The following AKAP8L variants were observed in gnomAD, a reference collection of about 807,000 sequenced individuals.
AKAP8L encodes the protein A-kinase anchor protein 8-like.
In AKAP8L, 34 loss-of-function variants were observed where a neutral mutation model predicts 77.5. That is an observed-to-expected ratio of 0.44 (90% CI 0.33 to 0.58). AKAP8L has a LOEUF of 0.58. Ranked by LOEUF, AKAP8L falls within the 20% of genes least tolerant of loss-of-function variation. The probability of loss-of-function intolerance (pLI) is 0.02; values close to 1 mark genes in which losing one functional copy is unlikely to be tolerated. For synonymous variants in AKAP8L, 342 were observed against 340.7 expected (o/e 1.00, Z -0.04); for missense variants, 806 against 887.6 (o/e 0.91, Z 1.17).
rs1347117076 is a variant in AKAP8L at position 15,385,016 on chromosome 19, T to C, written c.1537-4404A>G. On this transcript the variant is annotated intron_variant, in intron 12 of 13. Transcript: ENST00000397410. The stretch of plus-strand genomic sequence containing the variant: ...TTTTTGAGACGGAGTCTCGCTCTGT[T>C]GCCCAGGCTGGAGTGCAGTGGCGGG... Among the ~76,000 whole-genome samples the C allele has an allele frequency of 6.0e-5, 9 of 150,954 alleles. No individual in the cohort carries two copies. In the East Asian group the frequency reaches 7.8e-4, roughly 13 times the overall value.
At position 15,403,649 on chromosome 19, in the gene AKAP8L, A is replaced by G. The variant is rs1249408563; in HGVS notation, c.188T>C (p.Met63Thr). The change falls in exon 4 of 14, where the codon ATG (methionine) becomes ACG (threonine). Residue 63 changes from methionine to threonine, a missense_variant. Physicochemically the swap from Met to Thr is moderately conservative, Grantham distance 81. Around this residue, in one of 2 missense-constraint regions of AKAP8L, gnomAD observed 580 missense variants for 694.1 expected, o/e 0.84. Coordinates refer to ENST00000397410, the MANE Select transcript of AKAP8L (RefSeq NM_014371.4). The surrounding 1 kb of genome is among the most constrained non-coding windows in gnomAD (Gnocchi z 4.3). ...QDNTTNYGYG[M>T]ATSHSWEMPS... ...CATTTCCCAAGAGTGTGAAGTGGCC[A>G]TACCATACCCATAGTTGGTGGTGTT... is the stretch of plus-strand genomic sequence containing the variant. 6.2e-7 allele frequency: 1 copy of G among 1,613,640 alleles called. No individual in the cohort carries two copies. The highest frequency in any genetic ancestry group is 1.7e-5 in the Admixed American group (1 of 59,960).
At chr19:15,388,889 C>G (rs973229122) in intron 12 of AKAP8L, among the ~76,000 whole-genome samples, 3 of 148,374 alleles carry the variant, frequency 2.0e-5, no homozygotes, top group African/African-American at 7.5e-5. Context: ...GCACTCCAGC[C>G]TGGGCGACAG....
chr19:15,394,375 G>T lies in AKAP8L; in HGVS notation c.1536+2775C>A, dbSNP rs994966118. ...ATGAAGTGTCTAGAATAAGCAAATAGAGAGAGATAGATTAGTAGCTGCCTA... is the reference window on the plus strand; with the variant it reads ...ATGAAGTGTCTAGAATAAGCAAATATAGAGAGATAGATTAGTAGCTGCCTA... On this transcript the variant is annotated intron_variant, in intron 12 of 13. Transcript: ENST00000397410. 2.6e-5 allele frequency among the ~76,000 whole-genome samples: 4 copies of T among 152,270 alleles called. No homozygotes were observed. In the South Asian group the frequency reaches 8.3e-4, roughly 32 times the overall value.
rs1482521458 is a variant in AKAP8L at position 15,397,049 on chromosome 19, G to A, written c.1536+101C>T. 2.1e-5 allele frequency: 32 copies of A among 1,516,564 alleles called. No homozygotes were observed. The South Asian group carries it at 2.4e-4, about 11-fold the overall frequency. The allele number at this position is 1,516,564 out of a possible 1,614,324, so 93.9% of individuals were successfully genotyped here. A position where few individuals can be genotyped will look rare whatever the true frequency, so the allele number is the denominator to read the frequency against. ...ATATCCACCTCCTCCTGCCTCCACTGCAGTCCCTCACGGGCTGGCAGAGGT... is the reference window on the plus strand; with the variant it reads ...ATATCCACCTCCTCCTGCCTCCACTACAGTCCCTCACGGGCTGGCAGAGGT... On this transcript the variant is annotated intron_variant, in intron 12 of 13. Coordinates refer to ENST00000397410, the MANE Select transcript of AKAP8L (RefSeq NM_014371.4). The surrounding 1 kb of genome is among the most constrained non-coding windows in gnomAD (Gnocchi z 4.7).
At chr19:15,405,217 G>A (rs890656958) in intron 2 of AKAP8L, among the ~76,000 whole-genome samples, 1 of 152,218 alleles carries the variant, frequency 6.6e-6, no homozygotes, top group Non-Finnish European at 1.5e-5. Context: ...AGAGGCAAGA[G>A]AGGCTGGCAG....
At position 15,403,415 on chromosome 19, in the gene AKAP8L, T is replaced by C. The variant is rs538348043; in HGVS notation, c.362+60A>G. On this transcript the variant is annotated intron_variant, in intron 4 of 13. Coordinates refer to ENST00000397410, the MANE Select transcript of AKAP8L (RefSeq NM_014371.4). This position sits in a 1 kb window ranked among gnomAD's most constrained non-coding sequence, Gnocchi z 4.3. ...GGGGCACTCAGAGAGGAAAACGCAG[T>C]GGGCAGCAGGCAGGAGCCGCCCCTG... The C allele has an allele frequency of 4.3e-5, 66 of 1,517,380 alleles. No individual in the cohort carries two copies. In the Middle Eastern group the frequency reaches 8.7e-4, roughly 20 times the overall value. The allele number at this position is 1,517,380 out of a possible 1,614,324, so 94.0% of individuals were successfully genotyped here.
chr19:15,397,801 C>T lies in AKAP8L; in HGVS notation c.1212G>A (p.Met404Ile), dbSNP rs1967808391. ...GGAACTTGCTGTCAAGATGGCTGGC[C>T]ATCTCGTCCTCATAGAAGGTCCGGT... Reference protein sequence around the residue: ...CKYRTFYEDEMASHLDSKFHK... With the variant: ...CKYRTFYEDEIASHLDSKFHK... Residue 404 changes from methionine (M) to isoleucine (I), a missense_variant, in exon 10 of 14, where the codon ATG becomes ATA. By Grantham distance (10) the Met-to-Ile change is conservative. Around this residue, in one of 2 missense-constraint regions of AKAP8L, gnomAD observed 580 missense variants for 694.1 expected, o/e 0.84. Transcript: ENST00000397410. This position sits in a 1 kb window ranked among gnomAD's most constrained non-coding sequence, Gnocchi z 4.7. 2 of 1,613,964 alleles carry T rather than the reference C, an allele frequency of 1.2e-6. No homozygotes were observed. The highest frequency in any genetic ancestry group is 1.7e-6 in the Non-Finnish European group (2 of 1,179,886).
chr19:15,414,221 C>T (rs962292847), intron 1 of AKAP8L, among the ~76,000 whole-genome samples: 14 of 152,014 alleles, frequency 9.2e-5, no homozygotes, highest in Admixed American at 7.9e-4. Flanking sequence ...TGCGCCACTA[C>T]GCATTTTGTA....
At position 15,399,859 on chromosome 19, in the gene AKAP8L, G is replaced by T; in HGVS notation, c.1048+436C>A. 1 of 309,712 alleles carries T rather than the reference G, an allele frequency of 3.2e-6. No individual in the cohort carries two copies. The highest frequency in any genetic ancestry group is 2.1e-5 in the African/African-American group (1 of 46,986). 19.2% of individuals were successfully genotyped at this position (309,712 alleles called of 1,614,324 possible). On this transcript the variant is annotated intron_variant, in intron 8 of 13. Transcript: ENST00000397410. The surrounding 1 kb of genome is among the most constrained non-coding windows in gnomAD (Gnocchi z 6.1). ...GCTGGCGCTCATCACTCAGGTGGGGGGACACGGAATCCCAACAGGGGCTGG... is the reference window on the plus strand; with the variant it reads ...GCTGGCGCTCATCACTCAGGTGGGGTGACACGGAATCCCAACAGGGGCTGG...
intron 12 of AKAP8L, among the ~76,000 whole-genome samples, chr19:15,390,070 T>C (rs1967628849): frequency 6.6e-6 from 1 of 151,222 alleles, no homozygotes; most frequent in Non-Finnish European, 1.5e-5. Context: ...CCAGACTATC[T>C]GAATATACCC....
At chr19:15,415,175 T>C (rs997178994) in intron 1 of AKAP8L, among the ~76,000 whole-genome samples, 2 of 152,188 alleles carry the variant, frequency 1.3e-5, no homozygotes, top group African/African-American at 4.8e-5. Flanking sequence ...GGCTCATGTC[T>C]GTAATACCAG....
chr19:15,380,192 T>G lies in AKAP8L; in HGVS notation c.1871A>C (p.Gln624Pro). ...GCCCGGGATGCCGCGGATCTGGCGTTGCAGCGCCCCTCCCAGCAAGGGCAC... is the reference window on the plus strand; with the variant it reads ...GCCCGGGATGCCGCGGATCTGGCGTGGCAGCGCCCCTCCCAGCAAGGGCAC... The part of the protein sequence containing the change: ...GAVPLLGGAL[Q>P]RQIRGIPGLD... The change falls in exon 14 of 14, where the codon CAA becomes CCA. Residue 624 changes from glutamine to proline, a missense_variant. By Grantham distance (76) the Gln-to-Pro change is moderately conservative. Around this residue, in one of 2 missense-constraint regions of AKAP8L, gnomAD observed 226 missense variants for 193.5 expected, o/e 1.17. Coordinates refer to ENST00000397410, the MANE Select transcript of AKAP8L (RefSeq NM_014371.4). 1 of 1,507,404 alleles carries G rather than the reference T, an allele frequency of 6.6e-7. No individual in the cohort carries two copies. The highest frequency in any genetic ancestry group is 8.8e-7 in the Non-Finnish European group (1 of 1,136,600). 93.4% of individuals were successfully genotyped at this position (1,507,404 alleles called of 1,614,324 possible).
At chr19:15,387,836 G>A (rs988385878) in intron 12 of AKAP8L, among the ~76,000 whole-genome samples, 1 of 152,152 alleles carries the variant, frequency 6.6e-6, no homozygotes, top group African/African-American at 2.4e-5. Flanking sequence ...GCACATGCCT[G>A]TAATCCCAGC....
chr19:15,406,887 T>G (rs1392151925), intron 2 of AKAP8L, among the ~76,000 whole-genome samples: 2 of 152,232 alleles, frequency 1.3e-5, no homozygotes, highest in Non-Finnish European at 2.9e-5. Context: ...TACACCTACC[T>G]ACTCGGTGAC....
intron 4 of AKAP8L, among the ~76,000 whole-genome samples, chr19:15,402,192 T>C (rs117122231): frequency 0.025 from 3,844 of 152,274 alleles, 57 homozygotes; most frequent in Non-Finnish European, 0.038. Flanking sequence ...AAAAGAGCTG[T>C]ATTACATCAA....
intron 2 of AKAP8L, among the ~76,000 whole-genome samples, chr19:15,408,476 T>G (rs757666936): frequency 1.3e-5 from 2 of 148,420 alleles, no homozygotes; most frequent in Non-Finnish European, 3.0e-5. Context: ...GGCACAAGAA[T>G]AGCTTGAATC....
chr19:15,403,765 G>A lies in AKAP8L; in HGVS notation c.122-50C>T. Reference sequence around the variant, plus strand: ...ACAGATGGTGGGGGCAGGCAGAGGGGAGGCAGACAGAGACAGAGACAAACA... The same window carrying A: ...ACAGATGGTGGGGGCAGGCAGAGGGAAGGCAGACAGAGACAGAGACAAACA... On this transcript the variant is annotated intron_variant, in intron 3 of 13. Coordinates refer to ENST00000397410, the MANE Select transcript of AKAP8L (RefSeq NM_014371.4). The surrounding 1 kb of genome is among the most constrained non-coding windows in gnomAD (Gnocchi z 4.3). 1 of 1,393,572 alleles carries A rather than the reference G, an allele frequency of 7.2e-7. No homozygotes were observed. 86.3% of individuals were successfully genotyped at this position (1,393,572 alleles called of 1,614,324 possible). A position where few individuals can be genotyped will look rare whatever the true frequency, so the allele number is the denominator to read the frequency against.
intron 4 of AKAP8L, among the ~76,000 whole-genome samples, chr19:15,402,517 C>T (rs1427034186): frequency 2.0e-5 from 3 of 152,336 alleles, no homozygotes; most frequent in African/African-American, 4.8e-5. Context: ...ATAGCAGCAA[C>T]GCAAGGCCAA....
chr19:15,391,210 C>T (rs539271159), intron 12 of AKAP8L, among the ~76,000 whole-genome samples: 1 of 152,146 alleles, frequency 6.6e-6, no homozygotes, highest in South Asian at 2.1e-4. Flanking sequence ...CCTGTAATCC[C>T]AGCACTTTGG....
Sources: allele counts gnomAD v4.1 joint callset (sites outside exome capture counted in the v4.1 genomes callset), GRCh38; gene constraint gnomAD v4.1.1; regional missense constraint gnomAD v4.1.1; non-coding constraint Gnocchi (gnomAD v3.1); transcripts MANE v1.5; gene names NCBI Gene and HGNC (gene_info 2026-07-23, HGNC 2026-07-21).